Variants in FAXDC2 observed in about 807,000 individuals in gnomAD.
The protein encoded by FAXDC2 is fatty acid hydroxylase domain-containing protein 2.
A neutral mutation model predicts 40.9 loss-of-function variants in FAXDC2; 41 were observed. The ratio of observed to expected loss-of-function variants is 1.00; its 90% CI spans 0.78 to 1.30. The LOEUF (loss-of-function observed/expected upper bound fraction) is 1.30, where lower values mean the gene tolerates loss of function less well. Ranked by LOEUF, FAXDC2 falls within the 50% of genes most tolerant of loss-of-function variation. The probability of loss-of-function intolerance (pLI) is 0.00; values close to 1 mark genes in which losing one functional copy is unlikely to be tolerated. For missense variants in FAXDC2, 390 were observed against 408.8 expected (o/e 0.95, Z 0.40); for synonymous variants, 157 against 149.3 (o/e 1.05, Z -0.38).
In FAXDC2 at chr5:154,834,883, C is replaced by CAG. The variant is rs779611032; in HGVS notation, c.98_99dup (p.Gly34LeufsTer13). ...CAGAAGGCCACAAATGAGAGAAGTC[C>CAG]AGAGCCCAGGATGAAAGCTGTCCTC... On this transcript the variant is annotated frameshift_variant, in exon 3 of 9. Transcript: ENST00000326080. LOFTEE classifies it high-confidence loss of function. 43 of 1,610,360 alleles carry CAG rather than the reference C, an allele frequency of 2.7e-5. No homozygotes were observed. The highest frequency in any genetic ancestry group is 2.3e-4 in the South Asian group (21 of 90,370).
chr5:154,821,792 T>C lies in FAXDC2; in HGVS notation c.679-366A>G, dbSNP rs145520325. 2.9e-3 allele frequency among the ~76,000 whole-genome samples: 443 copies of C among 151,946 alleles called. 3 individuals carry two copies. Among genetic ancestry groups the C allele is most frequent in the African/African-American group, 0.01 (430 of 41,430 alleles). ...AGGATCCCGACTCTACAAAAAAATT[T>C]AAAAATTAGCCAGATGTGGCCAGGT... On this transcript the variant is annotated intron_variant, in intron 7 of 8. Coordinates refer to ENST00000326080, the MANE Select transcript of FAXDC2 (RefSeq NM_032385.5).
intron 5 of FAXDC2, among the ~76,000 whole-genome samples, chr5:154,828,128 C>T (rs955255577): frequency 1.3e-5 from 2 of 149,864 alleles, no homozygotes; most frequent in South Asian, 2.1e-4. Context: ...GGATTACAGG[C>T]GTGAGCCACC....
At position 154,830,816 on chromosome 5, in the gene FAXDC2, G is replaced by A. The variant is rs755183405; in HGVS notation, c.351C>T (p.Val117=). Residue 117 remains valine (V), a synonymous_variant, in exon 5 of 9, where the codon GTC becomes GTT. Coordinates refer to ENST00000326080, the MANE Select transcript of FAXDC2 (RefSeq NM_032385.5). ...CAACACTTACAGGTTCATTCTTGCC[G>A]ACCTGAATTCGGTAGCGAGAGATGA... The part of the protein sequence containing the change: ...PNFISRYRIQ[V]GKNEPVDPVK... The A allele has an allele frequency of 8.1e-6, 13 of 1,613,920 alleles. No homozygotes were observed. In the Admixed American group the frequency reaches 8.3e-5, roughly 10 times the overall value.
intron 2 of FAXDC2, chr5:154,836,115 C>G (rs1181474020): frequency 6.6e-6 from 1 of 151,816 alleles, no homozygotes; most frequent in Non-Finnish European, 1.5e-5. Flanking sequence ...CCAGGCTGGC[C>G]TAGAACTCTA....
At chr5:154,848,390 G>C (rs906642130) in intron 1 of FAXDC2, among the ~76,000 whole-genome samples, 4 of 152,144 alleles carry the variant, frequency 2.6e-5, no homozygotes, top group Non-Finnish European at 4.4e-5. Flanking sequence ...GCCTAGTGCT[G>C]TATGTATTTT....
chr5:154,827,305 C>CA (rs1324808409), intron 5 of FAXDC2, among the ~76,000 whole-genome samples: 10,638 of 86,488 alleles, frequency 0.12, 479 homozygotes, highest in Middle Eastern at 0.24. Flanking sequence ...GAGACTGTCT[C>CA]AAAAAAAAAA....
intron 5 of FAXDC2, among the ~76,000 whole-genome samples, chr5:154,827,178 G>A (rs929155787): frequency 2.6e-5 from 4 of 152,114 alleles, no homozygotes; most frequent in East Asian, 1.9e-4. Context: ...GATGGCACAC[G>A]CCTGTAATCC....
chr5:154,827,666 G>A (rs890662302), intron 5 of FAXDC2, among the ~76,000 whole-genome samples: 2 of 151,156 alleles, frequency 1.3e-5, no homozygotes, highest in Non-Finnish European at 3.0e-5. Context: ...CTCCCAAGTA[G>A]CTAGGACTAC....
At chr5:154,823,222 C>T (rs1759932160) in intron 6 of FAXDC2, 165 bp downstream of exon 6, 1 of 628,820 alleles carries the variant, frequency 1.6e-6, no homozygotes, top group Non-Finnish European at 2.8e-6. Context: ...TGACATTCCC[C>T]AGGCTAGTCT....
At chr5:154,841,269 G>A (rs535846911) in intron 1 of FAXDC2, among the ~76,000 whole-genome samples, 24 of 152,178 alleles carry the variant, frequency 1.6e-4, no homozygotes, top group Non-Finnish European at 3.2e-4. Flanking sequence ...ACTGAGGCTT[G>A]TAAGTGTGCA....
chr5:154,830,592 A>G (rs1283928202), intron 5 of FAXDC2: 3 of 495,710 alleles, frequency 6.1e-6, no homozygotes, highest in Non-Finnish European at 7.3e-6. Flanking sequence ...AGAGACCAGA[A>G]CACTGGTCTT....
chr5:154,843,762 C>T (rs1325019944), intron 1 of FAXDC2, among the ~76,000 whole-genome samples: 1 of 152,206 alleles, frequency 6.6e-6, no homozygotes, highest in Non-Finnish European at 1.5e-5. Flanking sequence ...TGAAGACATT[C>T]CTTACTCCAT....
At position 154,823,505 on chromosome 5, in the gene FAXDC2, G is replaced by A. The variant is rs780779272; in HGVS notation, c.454C>T (p.Pro152Ser). ...ISFPMVVFLYPFLKWWRDPCR... is the reference protein window; with the variant it reads ...ISFPMVVFLYSFLKWWRDPCR... ...GGGTCTCTCCACCATTTGAGGAAGG[G>A]ATAGAGGAAGACCACCATGGGGAAA... Residue 152 changes from proline (P) to serine (S), a missense_variant, in exon 6 of 9, where the codon CCC becomes TCC. Transcript: ENST00000326080. The A allele has an allele frequency of 3.7e-6, 6 of 1,614,142 alleles. No individual in the cohort carries two copies. Among genetic ancestry groups the A allele is most frequent in the Non-Finnish European group, 5.1e-6 (6 of 1,179,966 alleles).
chr5:154,821,489 C>T (rs1582517794), intron 7 of FAXDC2, 63 bp from the exon 8 acceptor site: 2 of 1,349,366 alleles, frequency 1.5e-6, no homozygotes, highest in African/African-American at 3.0e-5. Context: ...GTTGGGTATA[C>T]ACTTAGTCCC....
chr5:154,821,510 C>G, intron 7 of FAXDC2, 84 bp from the exon 8 acceptor site: 2 of 1,089,962 alleles, frequency 1.8e-6, no homozygotes, highest in Non-Finnish European at 1.3e-6. Flanking sequence ...AAGGTGGTAC[C>G]AGAGGCAAAC....
At chr5:154,828,989 G>A (rs935433610) in intron 5 of FAXDC2, among the ~76,000 whole-genome samples, 6 of 150,106 alleles carry the variant, frequency 4.0e-5, no homozygotes, top group South Asian at 2.1e-4. Context: ...GTGCAATCTC[G>A]GCTCACTGTA....
chr5:154,839,696 AT>A (rs1760435851), intron 1 of FAXDC2, among the ~76,000 whole-genome samples: 1 of 152,096 alleles, frequency 6.6e-6, no homozygotes, highest in East Asian at 1.9e-4. Flanking sequence ...GGCAATAAAT[AT>A]TTTATGTTTT....
intron 1 of FAXDC2, among the ~76,000 whole-genome samples, chr5:154,848,998 G>T (rs1457798564): frequency 6.7e-6 from 1 of 149,050 alleles, no homozygotes; most frequent in African/African-American, 2.5e-5. Context: ...GATGAAATGC[G>T]GCTGGGCACG....
intron 2 of FAXDC2, chr5:154,835,273 A>G (rs1157360672): frequency 4.3e-6 from 1 of 233,620 alleles, no homozygotes; most frequent in East Asian, 1.2e-4. Flanking sequence ...CTCTTGGCAA[A>G]TGGAGATACC....
Sources: allele counts gnomAD v4.1 joint callset (sites outside exome capture counted in the v4.1 genomes callset), GRCh38; gene constraint gnomAD v4.1.1; transcripts MANE v1.5; gene names NCBI Gene and HGNC (gene_info 2026-07-23, HGNC 2026-07-21).